Variants in CCDC102B observed in about 807,000 individuals in gnomAD.
CCDC102B encodes coiled-coil domain-containing protein 102B.
Under a neutral mutation model 57.4 loss-of-function variants are expected in CCDC102B, and 75 were observed. That is an observed-to-expected ratio of 1.31 (90% CI 1.08 to 1.58). The LOEUF (loss-of-function observed/expected upper bound fraction) is 1.58. Ranked by LOEUF, CCDC102B falls within the 40% of genes most tolerant of loss-of-function variation. The pLI is 0.00. For missense variants in CCDC102B, 636 were observed against 582.6 expected (o/e 1.09, Z -0.94); for synonymous variants, 206 against 201.9 (o/e 1.02, Z -0.17).
intron 6 of CCDC102B, among the ~76,000 whole-genome samples, chr18:68,966,842 C>G (rs2050177235): frequency 6.6e-6 from 1 of 152,092 alleles, no homozygotes; most frequent in African/African-American, 2.4e-5. Flanking sequence ...CTCCCTCCTC[C>G]AGAGAGTTCT....
chr18:68,941,894 T>C (rs1256826238), intron 6 of CCDC102B, among the ~76,000 whole-genome samples: 5 of 152,114 alleles, frequency 3.3e-5, no homozygotes, highest in Non-Finnish European at 5.9e-5. Context: ...ATTTCAATTA[T>C]ATATGGCATC....
Position 69,049,970 on chromosome 18 carries a change from C to T in CCDC102B, c.1435-4060C>T, listed in dbSNP as rs561572734. ...GATTACAGGTGCCCGCCACCATGCC[C>T]GGCTAATTTTTGTATTTTTAGTAGA... is the stretch of plus-strand genomic sequence containing the variant. On this transcript the variant is annotated intron_variant, in intron 7 of 7. Transcript: ENST00000360242. Among the ~76,000 whole-genome samples the T allele has an allele frequency of 3.9e-3, 593 of 152,082 alleles. 3 individuals are homozygous for T. The highest frequency in any genetic ancestry group is 0.013 in the African/African-American group (556 of 41,512).
At position 68,764,550 on chromosome 18, in the gene CCDC102B, C is replaced by A. The variant is rs560109475; in HGVS notation, c.-67+47956C>A. On this transcript the variant is annotated intron_variant, in intron 2 of 3. Transcript: ENST00000578970. ...ATAAAGATAAAAACATAAACAATAA[C>A]CTTCAAACTACTTAGGGATGTGAGG... 4.6e-5 allele frequency among the ~76,000 whole-genome samples: 7 copies of A among 152,142 alleles called. No homozygotes were observed. The East Asian group carries it at 9.7e-4, about 21-fold the overall frequency.
At chr18:68,942,937 C>T (rs2049423969) in intron 6 of CCDC102B, among the ~76,000 whole-genome samples, 1 of 137,922 alleles carries the variant, frequency 7.3e-6, no homozygotes, top group South Asian at 2.4e-4. Flanking sequence ...GTCCCTGCGG[C>T]CTTCCGCTGT....
chr18:68,952,217 ATT>A (rs35550757), intron 6 of CCDC102B, among the ~76,000 whole-genome samples: 2 of 150,428 alleles, frequency 1.3e-5, no homozygotes, highest in Non-Finnish European at 3.0e-5. Context: ...CTCATGCAAT[ATT>A]TTTTTTTTCA....
intron 5 of CCDC102B, among the ~76,000 whole-genome samples, chr18:68,893,849 C>G (rs186443890): frequency 6.6e-6 from 1 of 152,052 alleles, no homozygotes; most frequent in Non-Finnish European, 1.5e-5. Context: ...ACTTATTTTT[C>G]AGAACCAGTC....
chr18:68,972,621 A>T (rs2050331856), intron 6 of CCDC102B, among the ~76,000 whole-genome samples: 1 of 152,218 alleles, frequency 6.6e-6, no homozygotes, highest in Non-Finnish European at 1.5e-5. Context: ...TATTTTCAAT[A>T]GATTTCAGTA....
chr18:68,956,332 T>TATATATAATATATATAAAA (rs71176917), intron 6 of CCDC102B, among the ~76,000 whole-genome samples: 1 of 54,980 alleles, frequency 1.8e-5, no homozygotes, highest in Non-Finnish European at 2.9e-5. Flanking sequence ...TTATATATAT[T>TATATATAATATATATAAAA]ATATATAATA....
chr18:68,917,003 C>A (rs2041096028), intron 6 of CCDC102B, among the ~76,000 whole-genome samples: 1 of 152,068 alleles, frequency 6.6e-6, no homozygotes, highest in African/African-American at 2.4e-5. Context: ...CAGTAGGAAG[C>A]AAGGGGATGA....
chr18:68,903,775 T>G (rs1181144703), intron 6 of CCDC102B, among the ~76,000 whole-genome samples: 1 of 152,218 alleles, frequency 6.6e-6, no homozygotes, highest in East Asian at 1.9e-4. Context: ...ACTGAATCCC[T>G]TCATTCAGAT....
At chr18:68,759,440 G>A (rs1191370139) in intron 2 of CCDC102B, among the ~76,000 whole-genome samples, 3 of 152,052 alleles carry the variant, frequency 2.0e-5, no homozygotes, top group Non-Finnish European at 2.9e-5. Context: ...ACAGCATCTA[G>A]TGGTCAAAGG....
intron 1 of CCDC102B, among the ~76,000 whole-genome samples, chr18:68,715,803 A>G (rs2031926215): frequency 6.6e-6 from 1 of 152,222 alleles, no homozygotes; most frequent in Admixed American, 6.5e-5. Context: ...TAAGACGGTT[A>G]CTGCAGCAAT....
At chr18:69,056,040 A>G (rs2052809921), downstream of CCDC102B, among the ~76,000 whole-genome samples, 1 of 152,132 alleles carries the variant, frequency 6.6e-6, no homozygotes, top group Admixed American at 6.6e-5. Context: ...TGTATCAGGC[A>G]TATTAACTCG....
At chr18:68,734,982 C>G (rs2033060556) in intron 2 of CCDC102B, among the ~76,000 whole-genome samples, 1 of 152,164 alleles carries the variant, frequency 6.6e-6, no homozygotes, top group Non-Finnish European at 1.5e-5. Flanking sequence ...TTATACAGGA[C>G]TTGTTTAGGG....
intron 5 of CCDC102B, among the ~76,000 whole-genome samples, chr18:68,887,840 G>A (rs1251995966): frequency 2.0e-5 from 3 of 152,200 alleles, no homozygotes; most frequent in Non-Finnish European, 4.4e-5. Context: ...TTGTCTATCT[G>A]TGCAAGAGTA....
At chr18:68,745,247 G>A (rs559031994) in intron 2 of CCDC102B, among the ~76,000 whole-genome samples, 123 of 152,052 alleles carry the variant, frequency 8.1e-4, no homozygotes, top group African/African-American at 2.8e-3. Flanking sequence ...ATACGGCCCT[G>A]TTTCAGCTGC....
At chr18:69,042,822 G>A (rs1218929947) in intron 7 of CCDC102B, among the ~76,000 whole-genome samples, 1 of 152,126 alleles carries the variant, frequency 6.6e-6, no homozygotes, top group Non-Finnish European at 1.5e-5. Context: ...AATAATGTAT[G>A]TGTGGCAATG....
intron 6 of CCDC102B, among the ~76,000 whole-genome samples, chr18:68,963,408 A>C (rs1215098542): frequency 2.0e-5 from 3 of 152,010 alleles, no homozygotes; most frequent in Non-Finnish European, 2.9e-5. Context: ...AATTGGTCAG[A>C]TAAATGATAG....
intron 4 of CCDC102B, among the ~76,000 whole-genome samples, chr18:68,850,863 A>G (rs1383581700): frequency 6.6e-6 from 1 of 152,088 alleles, no homozygotes; most frequent in African/African-American, 2.4e-5. Context: ...TACACCAGCC[A>G]CACCTTTCGA....
Sources: allele counts gnomAD v4.1 joint callset (sites outside exome capture counted in the v4.1 genomes callset), GRCh38; gene constraint gnomAD v4.1.1; transcripts MANE v1.5; gene names NCBI Gene and HGNC (gene_info 2026-07-23, HGNC 2026-07-21).